CARD14: variants seen among roughly 807,000 people sequenced by gnomAD.
CARD14 encodes the protein caspase recruitment domain family member 14, also known as caspase recruitment domain-containing protein 14.
In CARD14, 107 loss-of-function variants were observed where a neutral mutation model predicts 111.5. The observed-to-expected ratio is 0.96, with a 90% CI of 0.82 to 1.13. CARD14 has a LOEUF of 1.13. Ranked by LOEUF, CARD14 falls within the 50% of genes most tolerant of loss-of-function variation. CARD14 has a pLI of 0.00. For synonymous variants in CARD14, 617 were observed against 579.6 expected (o/e 1.06, Z -0.93); for missense variants, 1,322 against 1,362.3 (o/e 0.97, Z 0.47).
chr17:80,196,464 T>C (rs541724929), intron 14 of CARD14: 5 of 152,370 alleles, frequency 3.3e-5, no homozygotes, highest in African/African-American at 9.6e-5. Context: ...GTGAGGATTC[T>C]GCGTAATGCC....
chr17:80,187,726 C>T (rs2040391812), intron 7 of CARD14: 2 of 984,226 alleles, frequency 2.0e-6, no homozygotes, highest in South Asian at 9.4e-5. Flanking sequence ...AGTCCTGCCT[C>T]CCCAGGGCTG....
Position 80,181,639 on chromosome 17 carries a change from C to T in CARD14, c.201C>T (p.Ala67=). 1.9e-6 allele frequency: 3 copies of T among 1,548,232 alleles called. No homozygotes were observed. Among genetic ancestry groups the T allele is most frequent in the Non-Finnish European group, 2.6e-6 (3 of 1,146,864 alleles). ...ACAGCCCCCGGCTCACCAACAGCGC[C>T]ATGCGGGCCGGTGAGCGCAGCTCCC... ...VLHSPRLTNS[A]MRAGHLLDLL... Residue 67 remains alanine (A), a synonymous_variant, in exon 5 of 24, where the codon GCC becomes GCT. Coordinates refer to ENST00000648509, the MANE Select transcript of CARD14 (RefSeq NM_001366385.1).
chr17:80,190,904 C>G lies in CARD14; in HGVS notation c.1089+5C>G, dbSNP rs370288507. Reference sequence around the variant, plus strand: ...CTGCAGAAGGAGCGAGACCAGGTACCTGAGAGGCCGGGCCCACCCCGCCAC... The same window carrying G: ...CTGCAGAAGGAGCGAGACCAGGTACGTGAGAGGCCGGGCCCACCCCGCCAC... On this transcript the variant is annotated splice_donor_5th_base_variant and intron_variant, in intron 10 of 23. Transcript: ENST00000648509. 47 of 1,612,054 alleles carry G rather than the reference C, an allele frequency of 2.9e-5. No homozygotes were observed. Among genetic ancestry groups the G allele is most frequent in the Non-Finnish European group, 3.9e-5 (46 of 1,179,494 alleles).
chr17:80,174,667 G>A (rs1486911381), intron 2 of CARD14, among the ~76,000 whole-genome samples: 1 of 152,080 alleles, frequency 6.6e-6, no homozygotes, highest in African/African-American at 2.4e-5. Context: ...GTTTAGTCCT[G>A]GATGTGTGAT....
Position 80,182,251 on chromosome 17 carries a change from G to A in CARD14, c.212-402G>A, listed in dbSNP as rs1183020088. Among the ~76,000 whole-genome samples the A allele has an allele frequency of 2.6e-5, 4 of 152,180 alleles. No homozygotes were observed. Among genetic ancestry groups the A allele is most frequent in the Non-Finnish European group, 5.9e-5 (4 of 68,016 alleles). ...ACCCGCAGCCCCGGGGTGCCACTCT[G>A]CTTTCTGTGCGCAGCTCCAAAGCTG... On this transcript the variant is annotated intron_variant, in intron 5 of 23. Coordinates refer to ENST00000648509, the MANE Select transcript of CARD14 (RefSeq NM_001366385.1). The surrounding 1 kb of genome is among the most constrained non-coding windows in gnomAD (Gnocchi z 4.7).
At position 80,205,648 on chromosome 17, in the gene CARD14, A is replaced by G; in HGVS notation, c.2687A>G (p.Glu896Gly). The change falls in exon 22 of 24, where the codon GAA becomes GGA. Residue 896 changes from glutamate (E) to glycine (G), a missense_variant. Glu to Gly is a moderately conservative substitution (Grantham distance 98). Coordinates refer to ENST00000648509, the MANE Select transcript of CARD14 (RefSeq NM_001366385.1). ...VTRHAVESLM[E>G]KNTHALLDVQ... is the part of the protein sequence containing the mutation. ...CGCCATGCTGTGGAGTCCCTCATGG[A>G]AAAGGTGAGGTCAAGGGCGGGGTGG... The G allele has an allele frequency of 6.4e-7, 1 of 1,562,634 alleles. No individual in the cohort carries two copies. Among genetic ancestry groups the G allele is most frequent in the Non-Finnish European group, 8.7e-7 (1 of 1,153,554 alleles).
Position 80,198,740 on chromosome 17 carries a change from G to A in CARD14, c.1851+149G>A, listed in dbSNP as rs532870689. On this transcript the variant is annotated intron_variant, in intron 16 of 23. Transcript: ENST00000648509. The surrounding 1 kb of genome is among the most constrained non-coding windows in gnomAD (Gnocchi z 7.5). Reference sequence around the variant, plus strand: ...GCTCTTTCCTGGGCTGACGTAAAGCGTTCTGCTCATTTATAGATGAGAGTC... The same window carrying A: ...GCTCTTTCCTGGGCTGACGTAAAGCATTCTGCTCATTTATAGATGAGAGTC... The A allele has an allele frequency of 4.4e-5, 68 of 1,544,224 alleles. No homozygotes were observed. The highest frequency in any genetic ancestry group is 1.2e-4 in the African/African-American group (9 of 73,164).
rs750512409 is a variant in CARD14, at chr17:80,182,811, G to C, written c.349+21G>C. On this transcript the variant is annotated intron_variant, in intron 6 of 23. Transcript: ENST00000648509. This position sits in a 1 kb window ranked among gnomAD's most constrained non-coding sequence, Gnocchi z 4.7. ...TAGCGGTGAGAGCTCCGACTTTGAC[G>C]GTTTGGCAGGCACTTCTAGGAACCT... 6.2e-7 allele frequency: 1 copy of C among 1,613,492 alleles called. No individual in the cohort carries two copies. Among genetic ancestry groups the C allele is most frequent in the Non-Finnish European group, 8.5e-7 (1 of 1,179,666 alleles).
intron 7 of CARD14, among the ~76,000 whole-genome samples, chr17:80,187,125 C>A (rs956317338): frequency 6.6e-6 from 1 of 152,258 alleles, no homozygotes; most frequent in Non-Finnish European, 1.5e-5. Flanking sequence ...TTCTTGCCTT[C>A]TCCTGTTCCG....
intron 23 of CARD14, 67 bp from the exon 24 acceptor site, chr17:80,208,071 C>G: frequency 7.9e-7 from 1 of 1,273,658 alleles, no homozygotes; most frequent in East Asian, 2.6e-5. Context: ...GTCATCACTA[C>G]CCTAGCCAGG....
Position 80,187,417 on chromosome 17 carries a change from T to G in CARD14, c.676-960T>G, listed in dbSNP as rs2040380063. On this transcript the variant is annotated intron_variant, in intron 7 of 23. Coordinates refer to ENST00000648509, the MANE Select transcript of CARD14 (RefSeq NM_001366385.1). ...CTTGTCTGTCTGTCTCTCTCTTCGT[T>G]GTGGTTATGGCGTCTGTTGGAAATA... Among the ~76,000 whole-genome samples the G allele has an allele frequency of 2.0e-5, 3 of 152,230 alleles. No homozygotes were observed. The South Asian group carries it at 6.2e-4, about 31-fold the overall frequency.
chr17:80,187,954 C>G (rs888035672), intron 7 of CARD14: 4 of 986,482 alleles, frequency 4.1e-6, no homozygotes, highest in Non-Finnish European at 3.6e-6. Context: ...TGACTTTCCT[C>G]TCTCTTACTT....
intron 2 of CARD14, among the ~76,000 whole-genome samples, chr17:80,175,722 G>A (rs1484692779): frequency 2.0e-5 from 3 of 152,162 alleles, no homozygotes; most frequent in Non-Finnish European, 2.9e-5. Context: ...TGGGGACGCT[G>A]AACAGGCAGG....
intron 7 of CARD14, among the ~76,000 whole-genome samples, chr17:80,187,102 G>A: frequency 6.6e-6 from 1 of 152,160 alleles, no homozygotes; most frequent in East Asian, 1.9e-4. Context: ...TCCAACCCAT[G>A]CCCTGCGGCT....
In CARD14 at chr17:80,201,827, G is replaced by A. The variant is rs1291743094; in HGVS notation, c.1935G>A (p.Arg645=). The A allele has an allele frequency of 1.2e-6, 2 of 1,614,040 alleles. No individual in the cohort carries two copies. The part of the protein sequence containing the change: ...TLEEAVGLLR[R]VDGFCCLSVK... ...AGGAGGCCGTGGGGCTTCTCAGGAG[G>A]GTGGACGGCTTCTGCTGCCTGTCTG... The change falls in exon 17 of 24, where the codon AGG becomes AGA. Residue 645 remains arginine, a synonymous_variant. Transcript: ENST00000648509. The surrounding 1 kb of genome is among the most constrained non-coding windows in gnomAD (Gnocchi z 5.0).
intron 11 of CARD14, 127 bp from the exon 12 acceptor site, chr17:80,192,376 C>G (rs925364600): frequency 1.5e-6 from 1 of 655,874 alleles, no homozygotes; most frequent in Admixed American, 2.5e-5. Flanking sequence ...ATTGTTTTCC[C>G]TGGAAGCTGA....
At chr17:80,186,574 G>C (rs188327844) in intron 7 of CARD14, among the ~76,000 whole-genome samples, 1 of 152,032 alleles carries the variant, frequency 6.6e-6, no homozygotes, top group African/African-American at 2.4e-5. Flanking sequence ...TTTTGAGACA[G>C]AGTCTCACTC....
chr17:80,184,588 C>A (rs750572414), intron 7 of CARD14, among the ~76,000 whole-genome samples: 9 of 152,264 alleles, frequency 5.9e-5, no homozygotes, highest in Admixed American at 5.9e-4. Flanking sequence ...TGCCCAGCTG[C>A]GGCAGTGACA....
At chr17:80,186,191 C>T (rs753852669) in intron 7 of CARD14, among the ~76,000 whole-genome samples, 29 of 152,204 alleles carry the variant, frequency 1.9e-4, no homozygotes, top group Non-Finnish European at 3.5e-4. Flanking sequence ...TGCCCACGGC[C>T]TCTGCCTTCC....
Sources: allele counts gnomAD v4.1 joint callset (sites outside exome capture counted in the v4.1 genomes callset), GRCh38; gene constraint gnomAD v4.1.1; non-coding constraint Gnocchi (gnomAD v3.1); transcripts MANE v1.5; gene names NCBI Gene and HGNC (gene_info 2026-07-23, HGNC 2026-07-21).